The following PRKAG2 variants were observed in gnomAD, a reference collection of about 807,000 sequenced individuals.
The protein encoded by PRKAG2 is protein kinase AMP-activated non-catalytic subunit gamma 2, also known as 5'-AMP-activated protein kinase subunit gamma-2.
A neutral mutation model predicts 69.6 loss-of-function variants in PRKAG2; 26 were observed. That is an observed-to-expected ratio of 0.37 (90% CI 0.27 to 0.52). The LOEUF is 0.52. Among genes scored for constraint, PRKAG2 ranks in the 20% least tolerant of loss-of-function variants. The pLI is 0.90. For synonymous variants in PRKAG2, 293 were observed against 285.0 expected (o/e 1.03, Z -0.28); for missense variants, 557 against 740.0 (o/e 0.75, Z 2.87).
chr7:151,637,241 G>GT (rs1275800736), intron 4 of PRKAG2, among the ~76,000 whole-genome samples: 1 of 152,106 alleles, frequency 6.6e-6, no homozygotes, highest in African/African-American at 2.4e-5. Context: ...TTTAAAAAAA[G>GT]TTTTTTAAAA....
chr7:151,734,758 C>T (rs1464475593), intron 3 of PRKAG2, among the ~76,000 whole-genome samples: 1 of 151,888 alleles, frequency 6.6e-6, no homozygotes, highest in African/African-American at 2.4e-5. Flanking sequence ...ATTATGTTGC[C>T]CAGGCTTGTC....
At chr7:151,652,357 C>T (rs182204042) in intron 4 of PRKAG2, among the ~76,000 whole-genome samples, 7 of 152,196 alleles carry the variant, frequency 4.6e-5, no homozygotes, top group Non-Finnish European at 8.8e-5. Flanking sequence ...AGAATTCCAC[C>T]GAATTCTTCT....
rs1046859823 is a variant in PRKAG2 at position 151,638,059 on chromosome 7, A to T, written c.685-5921T>A. ...AGCATCAGGGATGTTTGATGTAGCAAAAACAGACCAAATCCACCACCCAAA... is the reference window on the plus strand; with the variant it reads ...AGCATCAGGGATGTTTGATGTAGCATAAACAGACCAAATCCACCACCCAAA... On this transcript the variant is annotated intron_variant, in intron 4 of 15. Coordinates refer to ENST00000287878, the MANE Select transcript of PRKAG2 (RefSeq NM_016203.4). This position sits in a 1 kb window ranked among gnomAD's most constrained non-coding sequence, Gnocchi z 4.3. 6.6e-6 allele frequency among the ~76,000 whole-genome samples: 1 copy of T among 152,200 alleles called. No homozygotes were observed. Among genetic ancestry groups the T allele is most frequent in the African/African-American group, 2.4e-5 (1 of 41,436 alleles).
chr7:151,658,115 G>A (rs973010588), intron 4 of PRKAG2, among the ~76,000 whole-genome samples: 46 of 150,326 alleles, frequency 3.1e-4, no homozygotes, highest in Non-Finnish European at 4.7e-4. Context: ...CCGAGATTGC[G>A]CCACTGTACT....
chr7:151,833,585 G>A (rs13238117), intron 1 of PRKAG2, among the ~76,000 whole-genome samples: 40,387 of 152,044 alleles, frequency 0.27, 5,881 homozygotes, highest in Non-Finnish European at 0.31. Flanking sequence ...CTCTTAAGCC[G>A]ATGGACGCTC....
Position 151,567,806 on chromosome 7 carries a change from C to T in PRKAG2, c.1233+910G>A, listed in dbSNP as rs1413167375. Among the ~76,000 whole-genome samples, 1 of 152,222 alleles carries T rather than the reference C, an allele frequency of 6.6e-6. No individual in the cohort carries two copies. The highest frequency in any genetic ancestry group is 1.5e-5 in the Non-Finnish European group (1 of 68,036). ...CTCCATCACTAAGCCCTCTGTGCTT[C>T]TGTCAGCAAAAGGGGTCCCTCAAGC... On this transcript the variant is annotated intron_variant, in intron 11 of 15. Coordinates refer to ENST00000287878, the MANE Select transcript of PRKAG2 (RefSeq NM_016203.4). This position sits in a 1 kb window ranked among gnomAD's most constrained non-coding sequence, Gnocchi z 4.2.
At position 151,781,304 on chromosome 7, in the gene PRKAG2, A is replaced by C. The variant is rs750721831; in HGVS notation, c.314T>G (p.Val105Gly). The change falls in exon 3 of 16, where the codon GTG becomes GGG. Residue 105 changes from valine to glycine, a missense_variant. Coordinates refer to ENST00000287878, the MANE Select transcript of PRKAG2 (RefSeq NM_016203.4). The surrounding 1 kb of genome is among the most constrained non-coding windows in gnomAD (Gnocchi z 6.1). The part of the protein sequence containing the change: ...PKTSPGSPKT[V>G]FPFSYQESPP... ...GGACTCCTGGTAGGAGAACGGGAAC[A>C]CGGTTTTGGGAGAGCCGGGGCTGGT... is the stretch of plus-strand genomic sequence containing the variant. 4 of 1,614,002 alleles carry C rather than the reference A, an allele frequency of 2.5e-6. No individual in the cohort carries two copies. Among genetic ancestry groups the C allele is most frequent in the Non-Finnish European group, 3.4e-6 (4 of 1,180,000 alleles).
intron 1 of PRKAG2, among the ~76,000 whole-genome samples, chr7:151,856,515 G>A (rs969447046): frequency 4.6e-5 from 7 of 152,228 alleles, no homozygotes; most frequent in Non-Finnish European, 1.0e-4. Context: ...CAGCCACACC[G>A]GGTTCAATTG....
rs574540024 is a variant in PRKAG2, at chr7:151,822,614, C to T, written c.115-36073G>A. Among the ~76,000 whole-genome samples the T allele has an allele frequency of 1.0e-3, 152 of 152,310 alleles. No individual in the cohort carries two copies. In the South Asian group the frequency reaches 0.018, roughly 18 times the overall value. ...GCTGAGAGGAACGGTGAGCCGGCCCCGCTGCCCAGGCTTGGGCACCTGGGG... is the reference window on the plus strand; with the variant it reads ...GCTGAGAGGAACGGTGAGCCGGCCCTGCTGCCCAGGCTTGGGCACCTGGGG... On this transcript the variant is annotated intron_variant, in intron 1 of 15. Transcript: ENST00000287878.
intron 6 of PRKAG2, among the ~76,000 whole-genome samples, chr7:151,586,047 C>T (rs1420006785): frequency 6.6e-6 from 1 of 152,242 alleles, no homozygotes; most frequent in East Asian, 1.9e-4. Flanking sequence ...GGCCGTCCCA[C>T]TGCCCCTGCA....
chr7:151,868,603 G>A (rs996254731), intron 1 of PRKAG2, among the ~76,000 whole-genome samples: 12 of 152,356 alleles, frequency 7.9e-5, no homozygotes, highest in African/African-American at 2.2e-4. Flanking sequence ...CTGGTTCACC[G>A]TCCTGAAAGG....
intron 5 of PRKAG2, among the ~76,000 whole-genome samples, chr7:151,623,062 A>T (rs1338954661): frequency 6.6e-6 from 1 of 152,128 alleles, no homozygotes; most frequent in East Asian, 1.9e-4. Flanking sequence ...ATCATTTGGC[A>T]TGAGTTAGAG....
chr7:151,792,008 T>C (rs2077290961), intron 1 of PRKAG2, among the ~76,000 whole-genome samples: 2 of 152,224 alleles, frequency 1.3e-5, no homozygotes, highest in South Asian at 4.1e-4. Flanking sequence ...GTAGCAAGCA[T>C]GTCCTGTAAC....
intron 5 of PRKAG2, among the ~76,000 whole-genome samples, chr7:151,620,631 C>T (rs989174934): frequency 6.6e-6 from 1 of 152,062 alleles, no homozygotes; most frequent in African/African-American, 2.4e-5. Flanking sequence ...GCATCCGCTA[C>T]CATACCTGGC....
At chr7:151,793,276 G>T (rs902421073) in intron 1 of PRKAG2, among the ~76,000 whole-genome samples, 1 of 152,182 alleles carries the variant, frequency 6.6e-6, no homozygotes, top group South Asian at 2.1e-4. Context: ...GTCTCGGGGC[G>T]TGCACCGCCG....
intron 5 of PRKAG2, among the ~76,000 whole-genome samples, chr7:151,600,007 G>T (rs549798074): frequency 6.6e-6 from 1 of 152,034 alleles, no homozygotes; most frequent in Admixed American, 6.5e-5. Context: ...TACTTTCTCC[G>T]TCTGTTTGTG....
chr7:151,660,636 A>G (rs765800250), intron 4 of PRKAG2, among the ~76,000 whole-genome samples: 27 of 152,234 alleles, frequency 1.8e-4, no homozygotes, highest in Non-Finnish European at 1.6e-4. Flanking sequence ...TTCCTCCAAC[A>G]ATGAAACCAT....
chr7:151,852,095 G>C (rs549597106), intron 1 of PRKAG2, among the ~76,000 whole-genome samples: 1 of 152,172 alleles, frequency 6.6e-6, no homozygotes, highest in Non-Finnish European at 1.5e-5. Context: ...GTGACAGGAC[G>C]GACGCACAGG....
intron 1 of PRKAG2, among the ~76,000 whole-genome samples, chr7:151,855,738 G>A (rs1046907614): frequency 2.6e-5 from 4 of 152,154 alleles, no homozygotes; most frequent in Non-Finnish European, 5.9e-5. Flanking sequence ...TGGGTGGGTG[G>A]GGGCAGGCAG....
Sources: allele counts gnomAD v4.1 joint callset (sites outside exome capture counted in the v4.1 genomes callset), GRCh38; gene constraint gnomAD v4.1.1; non-coding constraint Gnocchi (gnomAD v3.1); transcripts MANE v1.5; gene names NCBI Gene and HGNC (gene_info 2026-07-23, HGNC 2026-07-21).